Variants in PRKCE observed in about 807,000 individuals in gnomAD.
The protein encoded by PRKCE is protein kinase C epsilon, also known as protein kinase C epsilon type.
PRKCE carries 16 observed loss-of-function variants against 85.4 expected under a neutral mutation model. The observed-to-expected ratio is 0.19, with a 90% CI of 0.13 to 0.28. The LOEUF (loss-of-function observed/expected upper bound fraction) is 0.28. Ranked by LOEUF, PRKCE falls within the 10% of genes least tolerant of loss-of-function variation. PRKCE has a pLI of 1.00. For missense variants in PRKCE, 573 were observed against 975.2 expected, an observed-to-expected ratio of 0.59 and a Z score of 5.49; for synonymous variants, 388 against 371.5, an observed-to-expected ratio of 1.04 and a Z score of -0.51.
chr2:45,937,453 C>T (rs1351450912), intron 2 of PRKCE, among the ~76,000 whole-genome samples: 1 of 152,258 alleles, frequency 6.6e-6, no homozygotes, highest in East Asian at 1.9e-4. Context: ...TGGCTCACGC[C>T]TGTAATCCCA....
At chr2:46,027,084 G>T (rs142648815) in intron 10 of PRKCE, among the ~76,000 whole-genome samples, 1,922 of 152,250 alleles carry the variant, frequency 0.013, 14 homozygotes, top group Non-Finnish European at 0.021. Flanking sequence ...TGGGAGGATC[G>T]CTTGAGCCTA....
At chr2:46,062,766 G>A (rs1205972713) in intron 10 of PRKCE, among the ~76,000 whole-genome samples, 1 of 133,266 alleles carries the variant, frequency 7.5e-6, no homozygotes, top group Admixed American at 8.8e-5. Context: ...CTCCGCCTCC[G>A]GGGTTCAAGC....
At chr2:45,896,097 C>A (rs1409987414) in intron 2 of PRKCE, among the ~76,000 whole-genome samples, 1 of 152,200 alleles carries the variant, frequency 6.6e-6, no homozygotes, top group African/African-American at 2.4e-5. Context: ...GGGTCTTGGT[C>A]CTTCAACCTG....
intron 1 of PRKCE, chr2:45,677,013 C>G (rs1354663412): frequency 6.6e-6 from 1 of 152,036 alleles, no homozygotes; most frequent in African/African-American, 2.4e-5. Flanking sequence ...GGGCCCCAAA[C>G]TAGACATGGG....
chr2:46,024,653 T>C (rs770279879), intron 10 of PRKCE, among the ~76,000 whole-genome samples: 1 of 152,206 alleles, frequency 6.6e-6, no homozygotes, highest in Non-Finnish European at 1.5e-5. Flanking sequence ...TGGCCTTCCC[T>C]GGACTTCAGA....
intron 1 of PRKCE, among the ~76,000 whole-genome samples, chr2:45,790,597 G>C (rs183942945): frequency 3.7e-4 from 57 of 152,358 alleles, no homozygotes; most frequent in African/African-American, 1.3e-3. Context: ...TGGCCATTCT[G>C]TCAGAGGACC....
At chr2:45,664,408 C>T (rs1675818041) in intron 1 of PRKCE, among the ~76,000 whole-genome samples, 1 of 152,140 alleles carries the variant, frequency 6.6e-6, no homozygotes, top group South Asian at 2.1e-4. Flanking sequence ...TGGTTAACTA[C>T]TTATTATTGG....
At chr2:45,897,581 A>G (rs1327041270) in intron 2 of PRKCE, among the ~76,000 whole-genome samples, 1 of 152,238 alleles carries the variant, frequency 6.6e-6, no homozygotes, top group Non-Finnish European at 1.5e-5. Flanking sequence ...CACTTTGCCC[A>G]TGATAATTGC....
At chr2:45,709,079 G>T (rs1679375290) in intron 1 of PRKCE, among the ~76,000 whole-genome samples, 1 of 152,262 alleles carries the variant, frequency 6.6e-6, no homozygotes. Context: ...TGAGACAAGT[G>T]GGATTTGTGG....
At chr2:46,014,057 C>T (rs980356047) in intron 10 of PRKCE, among the ~76,000 whole-genome samples, 8 of 152,162 alleles carry the variant, frequency 5.3e-5, no homozygotes, top group South Asian at 2.1e-4. Flanking sequence ...TTACTGAGCC[C>T]GCCTACCCTT....
chr2:46,172,722 CCTT>C (rs1220195408), intron 14 of PRKCE, among the ~76,000 whole-genome samples: 1 of 152,238 alleles, frequency 6.6e-6, no homozygotes, highest in African/African-American at 2.4e-5. Context: ...CATGAGACAG[CCTT>C]CCCCACAGAG....
chr2:45,717,526 G>A (rs1680239816), intron 1 of PRKCE, among the ~76,000 whole-genome samples: 1 of 152,236 alleles, frequency 6.6e-6, no homozygotes, highest in Non-Finnish European at 1.5e-5. Context: ...CATGTCTTGT[G>A]CATATCTGCA....
At chr2:46,148,713 AC>A (rs1676323499) in intron 12 of PRKCE, among the ~76,000 whole-genome samples, 1 of 152,230 alleles carries the variant, frequency 6.6e-6, no homozygotes, top group Non-Finnish European at 1.5e-5. Flanking sequence ...ACCCTCTGGT[AC>A]CTTATAGTTG....
chr2:45,984,402 AC>A, intron 5 of PRKCE, 148 bp from the exon 6 acceptor site: 1 of 1,097,852 alleles, frequency 9.1e-7, no homozygotes, highest in Non-Finnish European at 1.3e-6. Context: ...AGCTCTTTTC[AC>A]CTCAGGGCAG....
At chr2:46,096,861 T>A (rs67193040) in intron 11 of PRKCE, among the ~76,000 whole-genome samples, 21,828 of 152,178 alleles carry the variant, frequency 0.14, 1,679 homozygotes, top group Middle Eastern at 0.23. Context: ...GTAAAATGGC[T>A]CCACTAATGT....
chr2:46,058,635 C>T (rs1390453633), intron 10 of PRKCE, among the ~76,000 whole-genome samples: 1 of 152,126 alleles, frequency 6.6e-6, no homozygotes, highest in Admixed American at 6.5e-5. Flanking sequence ...TCAAGACAGG[C>T]CTCGACACTT....
chr2:45,707,555 T>C (rs1025014887), intron 1 of PRKCE, among the ~76,000 whole-genome samples: 3 of 152,242 alleles, frequency 2.0e-5, no homozygotes, highest in African/African-American at 7.2e-5. Context: ...GCTGGTCCTG[T>C]GACTTGCTCT....
intron 2 of PRKCE, among the ~76,000 whole-genome samples, chr2:45,917,893 C>A (rs1177999051): frequency 7.3e-6 from 1 of 137,696 alleles, no homozygotes; most frequent in Admixed American, 7.5e-5. Context: ...ACCCAGTACA[C>A]CCTCCGCAGC....
chr2:46,038,217 A>C (rs1707996269), intron 10 of PRKCE, among the ~76,000 whole-genome samples: 1 of 152,202 alleles, frequency 6.6e-6, no homozygotes. Context: ...TGCATTTAAA[A>C]TTCATTTTTG....
Sources: allele counts gnomAD v4.1 joint callset (sites outside exome capture counted in the v4.1 genomes callset), GRCh38; gene constraint gnomAD v4.1.1; transcripts MANE v1.5; gene names NCBI Gene and HGNC (gene_info 2026-07-23, HGNC 2026-07-21).